Variants in PDE1C observed in about 807,000 individuals in gnomAD.
PDE1C encodes dual specificity calcium/calmodulin-dependent 3',5'-cyclic nucleotide phosphodiesterase 1C.
Under a neutral mutation model 93.1 loss-of-function variants are expected in PDE1C, and 62 were observed. The ratio of observed to expected loss-of-function variants is 0.67; its 90% CI spans 0.54 to 0.82. PDE1C has a LOEUF of 0.82. PDE1C is among the 40% of genes least tolerant of loss of function. The pLI, the probability that PDE1C is intolerant of heterozygous loss-of-function variation, is 0.00. For missense variants in PDE1C, 742 were observed against 884.6 expected (o/e 0.84, Z 2.04); for synonymous variants, 325 against 310.1 (o/e 1.05, Z -0.50).
chr7:31,729,088 T>C, the PDE1C span, among the ~76,000 whole-genome samples: 1 of 152,142 alleles, frequency 6.6e-6, no homozygotes, highest in Admixed American at 6.5e-5. Context: ...AAAATATAAA[T>C]GATAAATACA....
intron 1 of PDE1C, among the ~76,000 whole-genome samples, chr7:32,059,456 G>T (rs1279545187): frequency 6.6e-6 from 1 of 152,150 alleles, no homozygotes; most frequent in Non-Finnish European, 1.5e-5. Flanking sequence ...GCAGACCCAG[G>T]CTGCCCCAGT....
intron 1 of PDE1C, among the ~76,000 whole-genome samples, chr7:32,238,432 C>T (rs919609155): frequency 1.3e-5 from 2 of 152,154 alleles, no homozygotes; most frequent in African/African-American, 4.8e-5. Context: ...TATATTTTAA[C>T]TAAGTGTTTG....
At chr7:31,775,130 G>A (rs1795743042) in intron 17 of PDE1C, among the ~76,000 whole-genome samples, 1 of 152,126 alleles carries the variant, frequency 6.6e-6, no homozygotes, top group African/African-American at 2.4e-5. Context: ...GTCGAACAGA[G>A]GTCATACATG....
chr7:31,716,200 G>A, the PDE1C span, among the ~76,000 whole-genome samples: 1 of 152,106 alleles, frequency 6.6e-6, no homozygotes, highest in Non-Finnish European at 1.5e-5. Flanking sequence ...AGCCTTGTCT[G>A]ACTCACATTT....
intron 1 of PDE1C, among the ~76,000 whole-genome samples, chr7:32,248,850 T>C (rs1317330973): frequency 6.6e-6 from 1 of 152,276 alleles, no homozygotes; most frequent in African/African-American, 2.4e-5. Context: ...CCTTTTGTTT[T>C]TTGCTTTGTA....
rs558053309 is a variant in PDE1C, at chr7:31,926,198, CTG to C, written c.129-45340_129-45339del. ...TGCCTGGTATTCATGTATTTTTCAA[CTG>C]TGTGTCCTGAAACGATTTTTCTTTT... On this transcript the variant is annotated intron_variant, in intron 2 of 17. Coordinates refer to ENST00000396191, the MANE Select transcript of PDE1C (RefSeq NM_001191057.4). Among the ~76,000 whole-genome samples the C allele has an allele frequency of 1.4e-3, 211 of 152,248 alleles. 1 individual carries two copies. The highest frequency in any genetic ancestry group is 4.9e-3 in the African/African-American group (203 of 41,554).
chr7:32,100,362 T>C (rs6462331), intron 3 of PDE1C, among the ~76,000 whole-genome samples: 6,995 of 152,316 alleles, frequency 0.046, 532 homozygotes, highest in African/African-American at 0.16. Context: ...TCCAGTGCCA[T>C]AAATTAAACT....
In PDE1C at chr7:31,848,051, A is replaced by G; in HGVS notation, c.897T>C (p.Asn299=). The G allele has an allele frequency of 1.9e-6, 3 of 1,613,144 alleles. 1 individual carries two copies. Among genetic ancestry groups the G allele is most frequent in the South Asian group, 2.2e-5 (2 of 91,074 alleles). ...GGCGATAAGCTGCACTTAAATGGTGATTCTCCAGTACAGATCTGTCATTAT... is the reference window on the plus strand; with the variant it reads ...GGCGATAAGCTGCACTTAAATGGTGGTTCTCCAGTACAGATCTGTCATTAT... ...ILYNDRSVLE[N]HHLSAAYRLL... is the part of the protein sequence containing the mutation. The change falls in exon 9 of 18, where the codon AAT becomes AAC. Residue 299 remains asparagine, a synonymous_variant. Coordinates refer to ENST00000396191, the MANE Select transcript of PDE1C (RefSeq NM_001191057.4).
chr7:31,965,966 C>T (rs1809879785), intron 2 of PDE1C, among the ~76,000 whole-genome samples: 1 of 152,192 alleles, frequency 6.6e-6, no homozygotes. Context: ...AAGCACTAAA[C>T]ATGGAAAGGA....
chr7:32,284,343 A>G (rs1811866395), intron 1 of PDE1C, among the ~76,000 whole-genome samples: 1 of 152,166 alleles, frequency 6.6e-6, no homozygotes, highest in Non-Finnish European at 1.5e-5. Flanking sequence ...CTACTACTTA[A>G]CCTCCTAAGC....
At chr7:31,832,885 C>A (rs573314307) in intron 11 of PDE1C, among the ~76,000 whole-genome samples, 1 of 152,222 alleles carries the variant, frequency 6.6e-6, no homozygotes, top group African/African-American at 2.4e-5. Context: ...GAAAAAGAAT[C>A]ACTTTAATAC....
rs559630292 is a variant in PDE1C at position 31,906,057 on chromosome 7, T to A, written c.129-25197A>T. On this transcript the variant is annotated intron_variant, in intron 2 of 17. Transcript: ENST00000396191. Reference sequence around the variant, plus strand: ...TGCTGAACTGTGAGTCAATTATACCTCTTTCCTTTATAAATTACCCAGTCT... The same window carrying A: ...TGCTGAACTGTGAGTCAATTATACCACTTTCCTTTATAAATTACCCAGTCT... 1.4e-4 allele frequency among the ~76,000 whole-genome samples: 21 copies of A among 152,304 alleles called. No individual in the cohort carries two copies. The East Asian group carries it at 1.5e-3, about 11-fold the overall frequency.
chr7:32,397,392 C>G (rs537396162), intron 1 of PDE1C, among the ~76,000 whole-genome samples: 1 of 152,176 alleles, frequency 6.6e-6, no homozygotes, highest in South Asian at 2.1e-4. Context: ...TCTCACATAT[C>G]AGATTGACGG....
the PDE1C span, among the ~76,000 whole-genome samples, chr7:31,623,182 G>A: frequency 6.6e-6 from 1 of 152,044 alleles, no homozygotes. Flanking sequence ...GGTACAAGGA[G>A]GAACTGGTAC....
intron 5 of PDE1C, among the ~76,000 whole-genome samples, chr7:31,875,874 A>T (rs1796528926): frequency 7.2e-6 from 1 of 138,142 alleles, no homozygotes; most frequent in African/African-American, 2.7e-5. Context: ...CATGTTTCAA[A>T]TTTAGAGACT....
At chr7:32,405,290 C>T (rs534004553) in intron 1 of PDE1C, among the ~76,000 whole-genome samples, 1 of 148,032 alleles carries the variant, frequency 6.8e-6, no homozygotes, top group Admixed American at 6.7e-5. Flanking sequence ...TCACTCTTGT[C>T]ACCCAAGCTG....
At chr7:31,714,259 C>T in the PDE1C span, among the ~76,000 whole-genome samples, 1 of 152,204 alleles carries the variant, frequency 6.6e-6, no homozygotes, top group African/African-American at 2.4e-5. Context: ...TAAAATGCTA[C>T]CAGTCTCTTT....
At chr7:32,218,876 T>C (rs1489604645) in intron 1 of PDE1C, among the ~76,000 whole-genome samples, 1 of 152,186 alleles carries the variant, frequency 6.6e-6, no homozygotes, top group African/African-American at 2.4e-5. Context: ...TCAATTGCCA[T>C]CTGTTTAGTC....
chr7:32,110,422 C>T (rs1169661943), intron 3 of PDE1C, among the ~76,000 whole-genome samples: 1 of 152,178 alleles, frequency 6.6e-6, no homozygotes, highest in African/African-American at 2.4e-5. Flanking sequence ...TCATCTCCCA[C>T]TGGGTTCCTC....
Sources: gnomAD v4.1 joint callset for allele counts (sites outside exome capture counted in the v4.1 genomes callset) on GRCh38, gnomAD v4.1.1 for gene constraint, MANE v1.5 for transcripts, NCBI Gene and HGNC (gene_info 2026-07-23, HGNC 2026-07-21) for gene names.